MCPH1: variants seen among roughly 807,000 people sequenced by gnomAD.
The protein encoded by MCPH1 is microcephalin.
A neutral mutation model predicts 84.5 loss-of-function variants in MCPH1; 104 were observed. The observed-to-expected ratio is 1.23, with a 90% CI of 1.05 to 1.45. The LOEUF (loss-of-function observed/expected upper bound fraction) is 1.45. MCPH1 is among the 40% of genes most tolerant of loss of function. The pLI, the probability that MCPH1 is intolerant of heterozygous loss-of-function variation, is 0.00. For missense variants in MCPH1, 1,498 were observed against 1,005.7 expected (o/e 1.49, Z -6.62); for synonymous variants, 514 against 366.8 (o/e 1.40, Z -4.58).
intron 1 of MCPH1, chr8:6,407,210 G>C (rs1156359314): frequency 5.9e-6 from 1 of 168,314 alleles, no homozygotes; most frequent in Non-Finnish European, 1.3e-5. Flanking sequence ...GGCCCACCTG[G>C]AGGAGCGGCA....
chr8:6,500,354 C>A (rs894282341), intron 12 of MCPH1: 1 of 162,218 alleles, frequency 6.2e-6, no homozygotes, highest in African/African-American at 2.4e-5. Flanking sequence ...CTTCAACTTT[C>A]AAATGCTTCA....
intron 8 of MCPH1, among the ~76,000 whole-genome samples, chr8:6,454,501 T>C (rs1805466597): frequency 6.6e-6 from 1 of 152,244 alleles, no homozygotes. Context: ...AGGCACCCTC[T>C]GAGGCAGTAG....
chr8:6,409,685 G>A (rs17601858), intron 2 of MCPH1, among the ~76,000 whole-genome samples: 4,773 of 57,020 alleles, frequency 0.084, 94 homozygotes, highest in Admixed American at 0.13. Flanking sequence ...GGGAAAAATT[G>A]TAAATTTGGG....
At chr8:6,443,757 G>A (rs772233588) in intron 7 of MCPH1, among the ~76,000 whole-genome samples, 2 of 152,206 alleles carry the variant, frequency 1.3e-5, no homozygotes, top group African/African-American at 4.8e-5. Flanking sequence ...GGTTTGGAAG[G>A]ATGAATTGTA....
chr8:6,642,935 T>A lies in MCPH1; in HGVS notation c.2453-59T>A, dbSNP rs1403194389. The A allele has an allele frequency of 2.0e-6, 3 of 1,492,680 alleles. No individual in the cohort carries two copies. In the East Asian group the frequency reaches 6.8e-5, roughly 34 times the overall value. 92.5% of individuals were successfully genotyped at this position (1,492,680 alleles called of 1,614,324 possible). ...GTTTCATGTATATACAAACAGGTTA[T>A]CACTTTCCTATGTGGCTGGCTATTA... is the stretch of plus-strand genomic sequence containing the variant. On this transcript the variant is annotated intron_variant, in intron 13 of 13. Transcript: ENST00000344683.
At chr8:6,542,235 A>T (rs998149524) in intron 12 of MCPH1, among the ~76,000 whole-genome samples, 1 of 152,134 alleles carries the variant, frequency 6.6e-6, no homozygotes, top group Admixed American at 6.5e-5. Context: ...ATAGAATCTT[A>T]TGTATATCTG....
At chr8:6,623,670 T>A (rs926512792) in intron 13 of MCPH1, among the ~76,000 whole-genome samples, 2 of 125,408 alleles carry the variant, frequency 1.6e-5, no homozygotes, top group African/African-American at 6.2e-5. Flanking sequence ...ATTCATCTTT[T>A]GCCTGGAAAC....
At chr8:6,481,619 C>A (rs1374344792) in intron 11 of MCPH1, among the ~76,000 whole-genome samples, 1 of 152,116 alleles carries the variant, frequency 6.6e-6, no homozygotes, top group Non-Finnish European at 1.5e-5. Context: ...TCATTTAAAC[C>A]AGTAGAATTA....
intron 2 of MCPH1, among the ~76,000 whole-genome samples, chr8:6,413,626 C>G (rs1798839249): frequency 6.6e-6 from 1 of 151,884 alleles, no homozygotes; most frequent in African/African-American, 2.4e-5. Flanking sequence ...GTGAGCTTTA[C>G]TCAACTTCAT....
intron 12 of MCPH1, among the ~76,000 whole-genome samples, chr8:6,597,951 G>C (rs1452128931): frequency 6.6e-6 from 1 of 152,200 alleles, no homozygotes; most frequent in Non-Finnish European, 1.5e-5. Context: ...CCCAGCACTT[G>C]ACCTAGAGCC....
intron 9 of MCPH1, among the ~76,000 whole-genome samples, chr8:6,472,280 T>TA (rs1275335988): frequency 2.0e-5 from 3 of 152,214 alleles, no homozygotes; most frequent in African/African-American, 7.2e-5. Context: ...ACCTATGTAT[T>TA]AATAACATAT....
intron 13 of MCPH1, chr8:6,624,813 T>C: frequency 1.4e-5 from 14 of 985,392 alleles, no homozygotes; most frequent in Non-Finnish European, 1.6e-5. Context: ...GGGCATTGCG[T>C]TTCCTGCCTC....
intron 1 of MCPH1, among the ~76,000 whole-genome samples, 164 bp from the exon 2 acceptor site, chr8:6,409,115 G>T (rs547217715): frequency 2.0e-5 from 3 of 152,136 alleles, no homozygotes; most frequent in Non-Finnish European, 2.9e-5. Context: ...TCAAACCCCT[G>T]ACTTCGTGGA....
chr8:6,454,474 G>A (rs1212521112), intron 8 of MCPH1, among the ~76,000 whole-genome samples: 1 of 152,200 alleles, frequency 6.6e-6, no homozygotes, highest in African/African-American at 2.4e-5. Context: ...TGAAGGAGGA[G>A]GAAGGGTGAG....
intron 11 of MCPH1, among the ~76,000 whole-genome samples, chr8:6,491,936 C>G (rs996588908): frequency 1.3e-5 from 2 of 152,132 alleles, no homozygotes; most frequent in African/African-American, 4.8e-5. Flanking sequence ...ACAGTAAACA[C>G]ACGTGTGCAT....
chr8:6,533,569 C>CTTTTTTTTTTTT (rs56882906), intron 12 of MCPH1, among the ~76,000 whole-genome samples: 3 of 113,350 alleles, frequency 2.6e-5, no homozygotes, highest in Non-Finnish European at 3.5e-5. Flanking sequence ...CGTTTAGTTT[C>CTTTTTTTTTTTT]TTTTTTTTTT....
intron 12 of MCPH1, among the ~76,000 whole-genome samples, chr8:6,592,640 T>G (rs77456990): frequency 3.6e-5 from 5 of 139,136 alleles, no homozygotes; most frequent in Non-Finnish European, 4.6e-5. Flanking sequence ...TTTTTTTTTT[T>G]TTTGTTGCTG....
intron 12 of MCPH1, among the ~76,000 whole-genome samples, chr8:6,617,872 TATCATCC>T: frequency 6.6e-6 from 1 of 151,752 alleles, no homozygotes; most frequent in East Asian, 1.9e-4. Flanking sequence ...TCTGTCTGTC[TATCATCC>T]ATCTATCTAT....
At position 6,453,680 on chromosome 8, in the gene MCPH1, G is replaced by T. The variant is rs536092750; in HGVS notation, c.1826-1463G>T. 4.6e-5 allele frequency among the ~76,000 whole-genome samples: 7 copies of T among 152,156 alleles called. No homozygotes were observed. In the East Asian group the frequency reaches 1.2e-3, roughly 25 times the overall value. On this transcript the variant is annotated intron_variant, in intron 8 of 13. Coordinates refer to ENST00000344683, the MANE Select transcript of MCPH1 (RefSeq NM_024596.5). ...ATTTGTTATTTAAAAAGGAAAATAAGTGCGTAGTAGATATAATTAATAATT... is the reference window on the plus strand; with the variant it reads ...ATTTGTTATTTAAAAAGGAAAATAATTGCGTAGTAGATATAATTAATAATT...
Sources: gnomAD v4.1 joint callset for allele counts (sites outside exome capture counted in the v4.1 genomes callset) on GRCh38, gnomAD v4.1.1 for gene constraint, MANE v1.5 for transcripts, NCBI Gene and HGNC (gene_info 2026-07-23, HGNC 2026-07-21) for gene names.